Variants in LGSN observed in about 807,000 individuals in gnomAD.
LGSN encodes lengsin.
Under a neutral mutation model 19.5 loss-of-function variants are expected in LGSN, and 21 were observed. The observed-to-expected ratio is 1.07, with a 90% CI of 0.76 to 1.55. The LOEUF (loss-of-function observed/expected upper bound fraction) is 1.55, where lower values mean the gene tolerates loss of function less well. LGSN is among the 40% of genes most tolerant of loss of function. The pLI is 0.00. For synonymous variants in LGSN, 257 were observed against 215.6 expected, an observed-to-expected ratio of 1.19 and a Z score of -1.68; for missense variants, 673 against 608.5, an observed-to-expected ratio of 1.11 and a Z score of -1.12.
chr6:63,514,619 C>G, the LGSN span, among the ~76,000 whole-genome samples: 1 of 152,320 alleles, frequency 6.6e-6, no homozygotes, highest in East Asian at 1.9e-4. Context: ...TCTAAGCAAA[C>G]CCTCAAATCA....
chr6:63,393,913 C>T, the LGSN span, among the ~76,000 whole-genome samples: 72 of 152,270 alleles, frequency 4.7e-4, no homozygotes, highest in Admixed American at 9.2e-4. Context: ...GTTAGGTATT[C>T]TAAGTGACAG....
At chr6:63,348,436 A>G in the LGSN span, among the ~76,000 whole-genome samples, 1 of 152,168 alleles carries the variant, frequency 6.6e-6, no homozygotes, top group Non-Finnish European at 1.5e-5. Context: ...CCTGGGCGAC[A>G]GAGTTAGACT....
At chr6:63,330,088 G>A in the LGSN span, among the ~76,000 whole-genome samples, 1 of 152,216 alleles carries the variant, frequency 6.6e-6, no homozygotes, top group Non-Finnish European at 1.5e-5. Flanking sequence ...GGATCATCTG[G>A]TTGGGGCTTC....
the LGSN span, among the ~76,000 whole-genome samples, chr6:63,377,913 CAAAAAAAAAA>C: frequency 3.7e-5 from 2 of 54,352 alleles, no homozygotes; most frequent in Non-Finnish European, 7.8e-5. Flanking sequence ...GACTCCATCT[CAAAAAAAAAA>C]AAAAAAAAAA....
At chr6:63,303,977 G>A (rs1396266294) in intron 1 of LGSN, among the ~76,000 whole-genome samples, 1 of 152,160 alleles carries the variant, frequency 6.6e-6, no homozygotes, top group Non-Finnish European at 1.5e-5. Flanking sequence ...CTCTTCCATC[G>A]TGAGATTCTT....
the LGSN span, among the ~76,000 whole-genome samples, chr6:63,333,474 A>C: frequency 3.3e-5 from 5 of 150,730 alleles, no homozygotes. Flanking sequence ...GGGGGAGAGA[A>C]GAAAGAAAGA....
the LGSN span, among the ~76,000 whole-genome samples, chr6:63,461,074 GT>G: frequency 6.6e-6 from 1 of 152,064 alleles, no homozygotes; most frequent in African/African-American, 2.4e-5. Context: ...GGTTTTTTGG[GT>G]TTTTTCCCCC....
chr6:63,415,881 C>T, the LGSN span, among the ~76,000 whole-genome samples: 5 of 152,028 alleles, frequency 3.3e-5, no homozygotes, highest in African/African-American at 7.2e-5. Flanking sequence ...TAGATTCACC[C>T]GGGCATTTAT....
chr6:63,295,639 G>A (rs982712101), intron 1 of LGSN, among the ~76,000 whole-genome samples: 3 of 152,108 alleles, frequency 2.0e-5, no homozygotes, highest in African/African-American at 7.2e-5. Flanking sequence ...CCATTTTATA[G>A]CTTAAGAAAA....
the LGSN span, among the ~76,000 whole-genome samples, chr6:63,403,265 G>A: frequency 5.9e-5 from 9 of 152,094 alleles, no homozygotes; most frequent in Non-Finnish European, 1.0e-4. Flanking sequence ...CAGCCATGAA[G>A]TACTTGGGAG....
the LGSN span, among the ~76,000 whole-genome samples, chr6:63,366,330 C>G: frequency 6.6e-6 from 1 of 152,098 alleles, no homozygotes; most frequent in Non-Finnish European, 1.5e-5. Flanking sequence ...GAGTGAACTC[C>G]CACTCACAAT....
chr6:63,508,432 TA>T, the LGSN span, among the ~76,000 whole-genome samples: 1 of 152,120 alleles, frequency 6.6e-6, no homozygotes, highest in East Asian at 1.9e-4. Context: ...AAAAATAAGC[TA>T]AAAAGTTGTA....
At chr6:63,294,261 GGA>G (rs1767888897) in intron 2 of LGSN, among the ~76,000 whole-genome samples, 1 of 152,080 alleles carries the variant, frequency 6.6e-6, no homozygotes, top group Non-Finnish European at 1.5e-5. Context: ...CTTGAGCCCA[GGA>G]GGCAGAGATT....
chr6:63,441,815 C>T, the LGSN span: 8 of 318,162 alleles, frequency 2.5e-5, no homozygotes, highest in South Asian at 2.2e-4. Flanking sequence ...GAAACTGCTG[C>T]TGCTGCTGCT....
chr6:63,367,536 T>A, the LGSN span, among the ~76,000 whole-genome samples: 1 of 151,712 alleles, frequency 6.6e-6, no homozygotes, highest in Non-Finnish European at 1.5e-5. Flanking sequence ...AGTGTGGCAA[T>A]TCCTCAAGGA....
chr6:63,321,977 TA>T (rs1192372207), upstream of LGSN, among the ~76,000 whole-genome samples: 1 of 152,336 alleles, frequency 6.6e-6, no homozygotes, highest in Admixed American at 6.5e-5. Context: ...AGTTGTAATC[TA>T]ATTGAATGGA....
the LGSN span, among the ~76,000 whole-genome samples, chr6:63,335,662 A>C: frequency 6.6e-6 from 1 of 152,192 alleles, no homozygotes; most frequent in Non-Finnish European, 1.5e-5. Context: ...AAAACAATAA[A>C]TAACATGTTG....
chr6:63,360,689 T>C, the LGSN span, among the ~76,000 whole-genome samples: 3 of 152,260 alleles, frequency 2.0e-5, no homozygotes, highest in Non-Finnish European at 4.4e-5. Flanking sequence ...TTTGTTCTAT[T>C]GCTGGTGAGG....
the LGSN span, among the ~76,000 whole-genome samples, chr6:63,503,216 A>G: frequency 6.6e-6 from 1 of 152,208 alleles, no homozygotes; most frequent in Admixed American, 6.5e-5. Context: ...TGTAGCTATA[A>G]AGTCCATTTT....
Sources: gnomAD v4.1 joint callset for allele counts (sites outside exome capture counted in the v4.1 genomes callset) on GRCh38, gnomAD v4.1.1 for gene constraint, MANE v1.5 for transcripts, NCBI Gene and HGNC (gene_info 2026-07-23, HGNC 2026-07-21) for gene names.